The following GTPBP8 variants were observed in gnomAD, a reference collection of about 807,000 sequenced individuals.
GTPBP8 encodes the protein GTP binding protein 8, also known as GTP-binding protein 8.
Under a neutral mutation model 27.3 loss-of-function variants are expected in GTPBP8, and 21 were observed. The ratio of observed to expected loss-of-function variants is 0.77; its 90% CI spans 0.55 to 1.11. GTPBP8 has a LOEUF of 1.11. Ranked by LOEUF, GTPBP8 falls within the 50% of genes least tolerant of loss-of-function variation. The pLI, the probability that GTPBP8 is intolerant of heterozygous loss-of-function variation, is 0.00. For synonymous variants in GTPBP8, 147 were observed against 135.3 expected, an observed-to-expected ratio of 1.09 and a Z score of -0.60; for missense variants, 380 against 350.8, an observed-to-expected ratio of 1.08 and a Z score of -0.67.
rs1238387352 is a variant in GTPBP8, at chr3:113,000,429, A to C, written c.786-421A>C. On this transcript the variant is annotated intron_variant, in intron 5 of 5. Transcript: ENST00000383678. ...CCATACCTGAGAAACATTTTGGCTG[A>C]TCTCCATACGGACGGACAGACGGAC... Among the ~76,000 whole-genome samples, 5 of 152,260 alleles carry C rather than the reference A, an allele frequency of 3.3e-5. No individual in the cohort carries two copies. In the East Asian group the frequency reaches 9.6e-4, roughly 29 times the overall value.
At position 113,000,943 on chromosome 3, in the gene GTPBP8, T is replaced by TAA; in HGVS notation, c.*24_*25insAA. ...AATGGTTCCCGGTTTAGCTGAAGAT[T>TAA]CAAAAAAAAAAAAAAAAGCTTTATG... On this transcript the variant is annotated 3_prime_UTR_variant, in exon 6 of 6. Coordinates refer to ENST00000383678, the MANE Select transcript of GTPBP8 (RefSeq NM_014170.4). The TAA allele has an allele frequency of 1.1e-5, 12 of 1,106,630 alleles. No homozygotes were observed. The highest frequency in any genetic ancestry group is 1.5e-5 in the Non-Finnish European group (12 of 776,458). The allele number at this position is 1,106,630 out of a possible 1,614,324, so 68.6% of individuals were successfully genotyped here.
chr3:112,991,126 C>G lies in GTPBP8; in HGVS notation c.127C>G (p.Gln43Glu). Residue 43 changes from glutamine to glutamate, a missense_variant, in exon 1 of 6, where the codon CAG becomes GAG. Transcript: ENST00000383678. ...TGAGGTGCTGCGGCTGCCGAAGCAGCAGCTGAGGAAGCTGCTGTACCCGCT... is the reference window on the plus strand; with the variant it reads ...TGAGGTGCTGCGGCTGCCGAAGCAGGAGCTGAGGAAGCTGCTGTACCCGCT... The part of the protein sequence containing the change: ...FAEVLRLPKQ[Q>E]LRKLLYPLQE... 11 of 1,613,794 alleles carry G rather than the reference C, an allele frequency of 6.8e-6. No homozygotes were observed. Among genetic ancestry groups the G allele is most frequent in the Non-Finnish European group, 9.3e-6 (11 of 1,180,022 alleles).
chr3:112,991,466 C>T (rs376509288), intron 1 of GTPBP8, 131 bp downstream of exon 1: 39 of 821,394 alleles, frequency 4.7e-5, no homozygotes, highest in African/African-American at 3.5e-4. Flanking sequence ...ATTATTTTAA[C>T]TCAATAGGCA....
At chr3:112,999,623 G>T in intron 5 of GTPBP8, 59 bp downstream of exon 5, 3 of 721,594 alleles carry the variant, frequency 4.2e-6, no homozygotes, top group South Asian at 2.0e-5. Context: ...GAATGTTGTG[G>T]GTTTTTTTTT....
At chr3:112,998,239 G>A (rs1329613521) in intron 4 of GTPBP8, among the ~76,000 whole-genome samples, 1 of 152,096 alleles carries the variant, frequency 6.6e-6, no homozygotes. Context: ...TCCCCAAGAC[G>A]ACTCCTCCCA....
intron 3 of GTPBP8, among the ~76,000 whole-genome samples, chr3:112,996,658 ATTGAT>A (rs1391502043): frequency 6.6e-6 from 1 of 152,164 alleles, no homozygotes; most frequent in African/African-American, 2.4e-5. Flanking sequence ...ATATATCCTT[ATTGAT>A]TTAAATTAAT....
intron 1 of GTPBP8, among the ~76,000 whole-genome samples, chr3:112,992,769 C>T (rs1029497760): frequency 1.3e-5 from 2 of 152,146 alleles, no homozygotes; most frequent in African/African-American, 4.8e-5. Context: ...GAGTTCAAAT[C>T]CCAACTCCTT....
chr3:112,995,309 A>C (rs1933764073), intron 3 of GTPBP8, 44 bp downstream of exon 3: 1 of 1,374,078 alleles, frequency 7.3e-7, no homozygotes, highest in Non-Finnish European at 1.0e-6. Flanking sequence ...TTTAACCCCA[A>C]AGCATGTTTT....
At chr3:112,998,066 C>T (rs1384845989) in intron 4 of GTPBP8, among the ~76,000 whole-genome samples, 1 of 152,058 alleles carries the variant, frequency 6.6e-6, no homozygotes, top group Non-Finnish European at 1.5e-5. Flanking sequence ...CATTAGAAAC[C>T]ACACACTTTC....
intron 3 of GTPBP8, among the ~76,000 whole-genome samples, chr3:112,995,601 A>G (rs1282848322): frequency 6.6e-6 from 1 of 151,848 alleles, no homozygotes; most frequent in African/African-American, 2.4e-5. Flanking sequence ...CAGTCATGCA[A>G]TCTAGGATCA....
In GTPBP8 at chr3:112,995,216, C is replaced by T. The variant is rs775102814; in HGVS notation, c.517C>T (p.Pro173Ser). Residue 173 changes from proline to serine, a missense_variant, in exon 3 of 6, where the codon CCT becomes TCT. By Grantham distance (74) the Pro-to-Ser change is moderately conservative. Coordinates refer to ENST00000383678, the MANE Select transcript of GTPBP8 (RefSeq NM_014170.4). ...CATGCCAGGTTATGGCTTTAGAGCA[C>T]CTGAAGATTTTGTTGACATGGTAGA... ...VDMPGYGFRA[P>S]EDFVDMVETY... The T allele has an allele frequency of 6.2e-7, 1 of 1,608,706 alleles. No homozygotes were observed. Among genetic ancestry groups the T allele is most frequent in the South Asian group, 1.1e-5 (1 of 90,654 alleles).
rs745459579 is a variant in GTPBP8 at position 112,991,285 on chromosome 3, G to A, written c.286G>A (p.Val96Ile). ...TATERNRIDY[V>I]SSAVRIDHAP... The stretch of plus-strand genomic sequence containing the variant: ...CACTGAACGGAACCGCATCGACTAC[G>A]TCAGCTCCGCCGTCCGTATCGACCA... The change falls in exon 1 of 6, where the codon GTC becomes ATC. Residue 96 changes from valine (V) to isoleucine (I), a missense_variant. Val to Ile is a conservative substitution (Grantham distance 29, BLOSUM62 3). Transcript: ENST00000383678. 6.2e-7 allele frequency: 1 copy of A among 1,613,422 alleles called. No individual in the cohort carries two copies. The highest frequency in any genetic ancestry group is 8.5e-7 in the Non-Finnish European group (1 of 1,180,042).
Position 112,991,276 on chromosome 3 carries a change from A to G in GTPBP8, c.277A>G (p.Ile93Val), listed in dbSNP as rs1305764174. ...CTTCACGGCCACTGAACGGAACCGC[A>G]TCGACTACGTCAGCTCCGCCGTCCG... ...NIFTATERNR[I>V]DYVSSAVRID... Residue 93 changes from isoleucine (I) to valine (V), a missense_variant, in exon 1 of 6, where the codon ATC (isoleucine) becomes GTC (valine). Ile to Val is a conservative substitution (Grantham distance 29). Transcript: ENST00000383678. 1 of 1,613,760 alleles carries G rather than the reference A, an allele frequency of 6.2e-7. No individual in the cohort carries two copies.
intron 2 of GTPBP8, among the ~76,000 whole-genome samples, chr3:112,994,033 CAAAT>C (rs1182793172): frequency 2.6e-5 from 4 of 152,130 alleles, no homozygotes; most frequent in South Asian, 2.1e-4. Context: ...TTCCTGTAGA[CAAAT>C]AAACTGACTG....
intron 5 of GTPBP8, among the ~76,000 whole-genome samples, chr3:112,999,844 C>T (rs1933858617): frequency 6.6e-6 from 1 of 152,148 alleles, no homozygotes; most frequent in African/African-American, 2.4e-5. Flanking sequence ...GCTTAGCTCC[C>T]ACTTCTAAGT....
chr3:112,997,657 G>A (rs1311134058), intron 4 of GTPBP8, among the ~76,000 whole-genome samples: 4 of 152,174 alleles, frequency 2.6e-5, no homozygotes, highest in Non-Finnish European at 5.9e-5. Flanking sequence ...TCAAAAAGAT[G>A]TCAGCCACTA....
intron 5 of GTPBP8, among the ~76,000 whole-genome samples, chr3:113,000,288 C>T (rs1339951893): frequency 6.6e-6 from 1 of 152,056 alleles, no homozygotes; most frequent in Non-Finnish European, 1.5e-5. Context: ...ATCCCAGCTG[C>T]TCGGGAGGCA....
intron 2 of GTPBP8, among the ~76,000 whole-genome samples, chr3:112,993,490 A>C (rs984718270): frequency 2.0e-5 from 3 of 152,108 alleles, no homozygotes; most frequent in African/African-American, 4.8e-5. Context: ...TTCCTCCTAT[A>C]ATCTTTTTTA....
In GTPBP8 at chr3:112,991,073, G is replaced by A. The variant is rs1281664008; in HGVS notation, c.74G>A (p.Arg25His). 1.2e-6 allele frequency: 2 copies of A among 1,613,980 alleles called. No individual in the cohort carries two copies. The highest frequency in any genetic ancestry group is 1.7e-6 in the Non-Finnish European group (2 of 1,179,994). The change falls in exon 1 of 6, where the codon CGC (arginine) becomes CAC (histidine). Residue 25 changes from arginine to histidine, a missense_variant. Arg to His is a conservative substitution (Grantham distance 29). Coordinates refer to ENST00000383678, the MANE Select transcript of GTPBP8 (RefSeq NM_014170.4). ...EMPAVLERLS[R>H]YNSTSQAFAE... Reference sequence around the variant, plus strand: ...CCTGCGGTGCTAGAGCGACTGAGCCGCTATAATAGCACGTCCCAAGCTTTT... The same window carrying A: ...CCTGCGGTGCTAGAGCGACTGAGCCACTATAATAGCACGTCCCAAGCTTTT...
Sources: allele counts gnomAD v4.1 joint callset (sites outside exome capture counted in the v4.1 genomes callset), GRCh38; gene constraint gnomAD v4.1.1; transcripts MANE v1.5; gene names NCBI Gene and HGNC (gene_info 2026-07-23, HGNC 2026-07-21).